LRP12: variants seen among roughly 807,000 people sequenced by gnomAD.
The protein encoded by LRP12 is LDL receptor related protein 12, also known as low-density lipoprotein receptor-related protein 12.
LRP12 carries 14 observed loss-of-function variants against 66.0 expected under a neutral mutation model. The observed-to-expected ratio is 0.21, with a 90% CI of 0.14 to 0.33. The LOEUF is 0.33. Among genes scored for constraint, LRP12 ranks in the 10% least tolerant of loss-of-function variants. The pLI, the probability that LRP12 is intolerant of heterozygous loss-of-function variation, is 1.00. For missense variants in LRP12, 889 were observed against 1,053.4 expected (o/e 0.84, Z 2.16); for synonymous variants, 357 against 359.1 (o/e 0.99, Z 0.07).
At chr8:104,496,631 T>C (rs536115060) in intron 5 of LRP12, among the ~76,000 whole-genome samples, 1 of 152,312 alleles carries the variant, frequency 6.6e-6, no homozygotes, top group South Asian at 2.1e-4. Context: ...GAACATAGCA[T>C]ATAGAATAAC....
intron 1 of LRP12, among the ~76,000 whole-genome samples, chr8:104,547,595 A>AT (rs1460387316): frequency 1.3e-4 from 16 of 122,036 alleles, no homozygotes; most frequent in Non-Finnish European, 9.5e-5. Flanking sequence ...TATATAATAT[A>AT]TAATAATTAT....
rs770819286 is a variant in LRP12 at position 104,491,416 on chromosome 8, G to A, written c.1837C>T (p.Arg613Cys). 1.3e-5 allele frequency: 21 copies of A among 1,613,902 alleles called. No individual in the cohort carries two copies. The highest frequency in any genetic ancestry group is 1.6e-4 in the Middle Eastern group (1 of 6,084). ...ACCAAAGCCAATGACCCAGAATGAC[G>A]TGATCTTGCAAAATTAAAAATACGG... ...WNRIFNFARS[R>C]HSGSLALVSA... Residue 613 changes from arginine (R) to cysteine (C), a missense_variant, in exon 7 of 7, where the codon CGT (arginine) becomes TGT (cysteine). By Grantham distance (180) the Arg-to-Cys change is radical. Coordinates refer to ENST00000276654, the MANE Select transcript of LRP12 (RefSeq NM_013437.5).
rs749515156 is a variant in LRP12, at chr8:104,554,080, A to T, written c.80-22117T>A. Among the ~76,000 whole-genome samples the T allele has an allele frequency of 9.5e-4, 144 of 152,186 alleles. 1 individual carries two copies. The highest frequency in any genetic ancestry group is 1.6e-3 in the Admixed American group (25 of 15,286). ...GGAATACTACGGGAAGGGAGAGAACACCACATCAAGGGAGCAACCCATGGG... is the reference window on the plus strand; with the variant it reads ...GGAATACTACGGGAAGGGAGAGAACTCCACATCAAGGGAGCAACCCATGGG... On this transcript the variant is annotated intron_variant, in intron 1 of 6. Coordinates refer to ENST00000276654, the MANE Select transcript of LRP12 (RefSeq NM_013437.5).
intron 1 of LRP12, among the ~76,000 whole-genome samples, chr8:104,580,358 T>TACAAAA (rs1554712302): frequency 1.1e-5 from 1 of 92,196 alleles, no homozygotes; most frequent in African/African-American, 4.1e-5. Flanking sequence ...CTACTAAAAA[T>TACAAAA]AAAAAAAAAA....
intron 1 of LRP12, among the ~76,000 whole-genome samples, chr8:104,535,000 G>T (rs1211362368): frequency 6.7e-6 from 1 of 148,790 alleles, no homozygotes; most frequent in Non-Finnish European, 1.5e-5. Flanking sequence ...TTTTTCAGAC[G>T]TCACCCTTTA....
chr8:104,517,586 A>G (rs1427858821), intron 2 of LRP12, among the ~76,000 whole-genome samples: 1 of 152,064 alleles, frequency 6.6e-6, no homozygotes, highest in Non-Finnish European at 1.5e-5. Context: ...TTTTTGTACA[A>G]TTTTACTTTA....
chr8:104,554,631 TAAATGACCAAAC>T (rs1461602145), intron 1 of LRP12, among the ~76,000 whole-genome samples: 1 of 152,074 alleles, frequency 6.6e-6, no homozygotes, highest in Non-Finnish European at 1.5e-5. Context: ...GGGATTATGT[TAAATGACCAAAC>T]CTAAGGATAA....
At chr8:104,532,575 A>G (rs566876316) in intron 1 of LRP12, among the ~76,000 whole-genome samples, 7 of 152,202 alleles carry the variant, frequency 4.6e-5, no homozygotes, top group African/African-American at 1.4e-4. Context: ...CTCTTTACCC[A>G]TTAGTTGGAT....
intron 1 of LRP12, among the ~76,000 whole-genome samples, chr8:104,551,690 T>A (rs1046408763): frequency 4.6e-5 from 7 of 152,192 alleles, no homozygotes; most frequent in Non-Finnish European, 8.8e-5. Context: ...AGTCATGATT[T>A]TGTTCTTTAT....
intron 1 of LRP12, among the ~76,000 whole-genome samples, chr8:104,583,051 C>G (rs549741166): frequency 1.8e-4 from 27 of 152,204 alleles, no homozygotes; most frequent in African/African-American, 6.5e-4. Flanking sequence ...TCCTTTATCT[C>G]CACTACTACT....
chr8:104,563,399 T>C (rs1392704755), intron 1 of LRP12, among the ~76,000 whole-genome samples: 2 of 152,164 alleles, frequency 1.3e-5, no homozygotes, highest in African/African-American at 4.8e-5. Context: ...AACTAAGACA[T>C]ACAACTAATA....
At chr8:104,553,105 CTT>C (rs906829788) in intron 1 of LRP12, among the ~76,000 whole-genome samples, 14 of 152,170 alleles carry the variant, frequency 9.2e-5, no homozygotes, top group African/African-American at 3.4e-4. Flanking sequence ...CCATTTCTGA[CTT>C]TGTCTTCCAG....
intron 1 of LRP12, among the ~76,000 whole-genome samples, chr8:104,579,768 T>C (rs1045089543): frequency 4.6e-5 from 7 of 151,942 alleles, no homozygotes; most frequent in African/African-American, 1.2e-4. Context: ...AACCCAGAAA[T>C]AAGGCAGCAC....
chr8:104,572,623 G>A (rs1388628967), intron 1 of LRP12, among the ~76,000 whole-genome samples: 1 of 151,938 alleles, frequency 6.6e-6, no homozygotes, highest in Non-Finnish European at 1.5e-5. Context: ...TATTAGGAAT[G>A]ACTATGGTGA....
chr8:104,509,125 A>C (rs766751417), intron 2 of LRP12, 51 bp from the exon 3 acceptor site: 2 of 1,545,158 alleles, frequency 1.3e-6, no homozygotes, highest in South Asian at 2.5e-5. Context: ...TTTAAATGGT[A>C]TTAGGTAAAT....
chr8:104,572,386 AAG>A (rs1017660873), intron 1 of LRP12, among the ~76,000 whole-genome samples: 6 of 152,230 alleles, frequency 3.9e-5, no homozygotes, highest in East Asian at 1.9e-4. Flanking sequence ...ACCAGAAAAA[AAG>A]AGAGTCAGTT....
intron 1 of LRP12, among the ~76,000 whole-genome samples, chr8:104,563,322 T>C (rs1327835502): frequency 1.3e-5 from 2 of 152,200 alleles, no homozygotes; most frequent in Non-Finnish European, 2.9e-5. Flanking sequence ...TTGAGGTACA[T>C]ATTGTCTCCA....
chr8:104,585,251 G>C (rs1354702757), intron 1 of LRP12, among the ~76,000 whole-genome samples: 1 of 152,142 alleles, frequency 6.6e-6, no homozygotes, highest in African/African-American at 2.4e-5. Flanking sequence ...TTTTGAGACA[G>C]AGTTTCACTC....
At position 104,531,505 on chromosome 8, in the gene LRP12, T is replaced by C. The variant is rs868022375; in HGVS notation, c.136+402A>G. 3.9e-5 allele frequency among the ~76,000 whole-genome samples: 6 copies of C among 152,128 alleles called. 1 individual carries two copies. Among genetic ancestry groups the C allele is most frequent in the Admixed American group, 1.3e-4 (2 of 15,252 alleles). ...TGCGCTCAAATACAATAGTTATATG[T>C]AGAGTAGTACTATAAAAATCAAGCA... On this transcript the variant is annotated intron_variant, in intron 2 of 6. Coordinates refer to ENST00000276654, the MANE Select transcript of LRP12 (RefSeq NM_013437.5).
Sources: gnomAD v4.1 joint callset for allele counts (sites outside exome capture counted in the v4.1 genomes callset) on GRCh38, gnomAD v4.1.1 for gene constraint, MANE v1.5 for transcripts, NCBI Gene and HGNC (gene_info 2026-07-23, HGNC 2026-07-21) for gene names.